ADGB: variants seen among roughly 807,000 people sequenced by gnomAD.
ADGB encodes androglobin, also known as calpain-7-like protein.
A neutral mutation model predicts 210.5 loss-of-function variants in ADGB; 172 were observed. The observed-to-expected ratio is 0.82, with a 90% CI of 0.72 to 0.93. The LOEUF (loss-of-function observed/expected upper bound fraction) is 0.93. ADGB is among the 40% of genes least tolerant of loss of function. ADGB has a pLI of 0.00. For missense variants in ADGB, 2,025 were observed against 1,964.8 expected (o/e 1.03, Z -0.58); for synonymous variants, 658 against 662.7 (o/e 0.99, Z 0.11).
intron 33 of ADGB, 22 bp from the exon 34 acceptor site, chr6:146,801,161 T>C: frequency 2.2e-6 from 3 of 1,354,260 alleles, no homozygotes; most frequent in Non-Finnish European, 3.0e-6. Context: ...GGTTTTTTGT[T>C]GTGTGTGTGT....
chr6:146,744,996 A>AC (rs1777208600), intron 25 of ADGB, among the ~76,000 whole-genome samples: 1 of 151,914 alleles, frequency 6.6e-6, no homozygotes, highest in Non-Finnish European at 1.5e-5. Flanking sequence ...TTTATTATAC[A>AC]TTTTTTTTAC....
chr6:146,803,374 C>A, intron 35 of ADGB: 1 of 1,607,916 alleles, frequency 6.2e-7, no homozygotes, highest in Non-Finnish European at 8.5e-7. Flanking sequence ...TGTAATTTTT[C>A]AGTCTGGTGG....
At chr6:146,691,475 T>TATAAAA (rs1279407599) in intron 11 of ADGB, among the ~76,000 whole-genome samples, 185 bp downstream of exon 11, 1 of 46,834 alleles carries the variant, frequency 2.1e-5, no homozygotes, top group African/African-American at 2.5e-4. Context: ...TATATATATA[T>TATAAAA]AAATATATAT....
intron 8 of ADGB, 88 bp from the exon 9 acceptor site, chr6:146,676,225 C>G: frequency 1.6e-6 from 2 of 1,213,734 alleles, no homozygotes; most frequent in Non-Finnish European, 2.2e-6. Context: ...ATTATTTTGG[C>G]CTTTTTTCTT....
Position 146,745,997 on chromosome 6 carries a change from A to T in ADGB, c.3253A>T (p.Ile1085Phe), listed in dbSNP as rs377327195. The part of the protein sequence containing the change: ...VAASRWKLRL[I>F]GSSAPLPCLS... ...AGCCTCACGATGGAAACTGCGTCTC[A>T]TCGGTTCTTCTGCTCCACTGCCATG... Residue 1085 changes from isoleucine to phenylalanine, a missense_variant, in exon 26 of 36, where the codon ATC becomes TTC. By Grantham distance (21) the Ile-to-Phe change is conservative. Transcript: ENST00000397944. 14 of 1,550,756 alleles carry T rather than the reference A, an allele frequency of 9.0e-6. No homozygotes were observed. In the African/African-American group the frequency reaches 1.8e-4, roughly 20 times the overall value.
chr6:146,797,185 A>C (rs369499566), intron 33 of ADGB, among the ~76,000 whole-genome samples: 4 of 152,304 alleles, frequency 2.6e-5, no homozygotes, highest in African/African-American at 9.6e-5. Context: ...ACAATCAAAA[A>C]AACAAAAAGT....
At chr6:146,712,469 G>A (rs1162853049) in intron 13 of ADGB, among the ~76,000 whole-genome samples, 1 of 151,960 alleles carries the variant, frequency 6.6e-6, no homozygotes, top group Non-Finnish European at 1.5e-5. Flanking sequence ...TTACAGGTGT[G>A]AGCCACCATG....
intron 25 of ADGB, among the ~76,000 whole-genome samples, chr6:146,741,755 C>T (rs1482237216): frequency 6.6e-6 from 1 of 152,116 alleles, no homozygotes; most frequent in Admixed American, 6.6e-5. Context: ...TACTTGGGGA[C>T]CTTACTGTGG....
chr6:146,613,319 CAT>C (rs1384368339), intron 1 of ADGB, among the ~76,000 whole-genome samples: 2 of 152,126 alleles, frequency 1.3e-5, no homozygotes, highest in African/African-American at 4.8e-5. Flanking sequence ...TGTTTTCCTA[CAT>C]GTTTGATTTT....
intron 5 of ADGB, 35 bp from the exon 6 acceptor site, chr6:146,664,165 AT>A: frequency 2.0e-6 from 3 of 1,516,486 alleles, no homozygotes; most frequent in Non-Finnish European, 2.7e-6. Context: ...ACTGTAAGCC[AT>A]TGATGGTATT....
intron 3 of ADGB, among the ~76,000 whole-genome samples, chr6:146,647,961 G>A (rs192854381): frequency 1.1e-4 from 17 of 151,916 alleles, no homozygotes; most frequent in Non-Finnish European, 1.5e-4. Context: ...AATATATATA[G>A]TCAACTTTAT....
intron 27 of ADGB, among the ~76,000 whole-genome samples, chr6:146,753,659 G>A (rs1777359429): frequency 6.6e-6 from 1 of 151,734 alleles, no homozygotes; most frequent in South Asian, 2.1e-4. Context: ...GTTATTTGTT[G>A]TTGTTGTTTA....
At chr6:146,724,410 G>A in intron 18 of ADGB, 83 bp downstream of exon 18, 1 of 1,349,394 alleles carries the variant, frequency 7.4e-7, no homozygotes, top group Non-Finnish European at 9.9e-7. Context: ...TAAACAATAT[G>A]GACTCTAAGA....
chr6:146,691,003 AT>A (rs1037598759), intron 10 of ADGB, 112 bp from the exon 11 acceptor site: 14 of 772,182 alleles, frequency 1.8e-5, no homozygotes, highest in South Asian at 4.2e-5. Flanking sequence ...ATATTGGGTG[AT>A]TTTTTTTCTT....
In ADGB at chr6:146,755,304, C is replaced by A. The variant is rs547538113; in HGVS notation, c.3550+2590C>A. ...TTCTACACAATGATATATGGACTGGCTTTGTGCCCCACCCAAATCTCATCT... is the reference window on the plus strand; with the variant it reads ...TTCTACACAATGATATATGGACTGGATTTGTGCCCCACCCAAATCTCATCT... On this transcript the variant is annotated intron_variant, in intron 27 of 35. Coordinates refer to ENST00000397944, the MANE Select transcript of ADGB (RefSeq NM_024694.4). 2.0e-5 allele frequency among the ~76,000 whole-genome samples: 3 copies of A among 152,118 alleles called. No individual in the cohort carries two copies. The East Asian group carries it at 5.8e-4, about 29-fold the overall frequency.
At position 146,782,201 on chromosome 6, in the gene ADGB, G is replaced by A; in HGVS notation, c.4035+9G>A. ...CTCGCTTTGAGCCTCAGGTGGGTGT[G>A]GAATTTTTTTTATTTGAGTGACTTA... On this transcript the variant is annotated intron_variant, in intron 30 of 35. Coordinates refer to ENST00000397944, the MANE Select transcript of ADGB (RefSeq NM_024694.4). 6.6e-7 allele frequency: 1 copy of A among 1,509,526 alleles called. No homozygotes were observed. 93.5% of individuals were successfully genotyped at this position (1,509,526 alleles called of 1,614,324 possible). A position where few individuals can be genotyped will look rare whatever the true frequency, so the allele number is the denominator to read the frequency against.
At chr6:146,791,483 A>C (rs1290768863) in intron 33 of ADGB, among the ~76,000 whole-genome samples, 1 of 151,828 alleles carries the variant, frequency 6.6e-6, no homozygotes, top group Non-Finnish European at 1.5e-5. Flanking sequence ...AGCTGAGACT[A>C]TAAGCGCATG....
chr6:146,612,159 C>G (rs1392589967), intron 1 of ADGB, among the ~76,000 whole-genome samples: 2 of 152,148 alleles, frequency 1.3e-5, no homozygotes, highest in Admixed American at 1.3e-4. Flanking sequence ...CCATCTGCCT[C>G]CTGCTTTGTT....
chr6:146,666,937 T>A (rs931886289), intron 7 of ADGB, 35 bp downstream of exon 7: 10 of 1,433,814 alleles, frequency 7.0e-6, no homozygotes, highest in Non-Finnish European at 9.5e-6. Flanking sequence ...ATATCTATTT[T>A]TTTTATCTTC....
Sources: allele counts gnomAD v4.1 joint callset (sites outside exome capture counted in the v4.1 genomes callset), GRCh38; gene constraint gnomAD v4.1.1; transcripts MANE v1.5; gene names NCBI Gene and HGNC (gene_info 2026-07-23, HGNC 2026-07-21).